GJC1: variants seen among roughly 807,000 people sequenced by gnomAD.
The protein encoded by GJC1 is gap junction gamma-1 protein.
In GJC1, 5 loss-of-function variants were observed where a neutral mutation model predicts 29.3. The ratio of observed to expected loss-of-function variants is 0.17; its 90% CI spans 0.09 to 0.36. The LOEUF (loss-of-function observed/expected upper bound fraction) is 0.36, where lower values mean the gene tolerates loss of function less well. Ranked by LOEUF, GJC1 falls within the 10% of genes least tolerant of loss-of-function variation. The pLI, the probability that GJC1 is intolerant of heterozygous loss-of-function variation, is 1.00. For synonymous variants in GJC1, 177 were observed against 183.3 expected (o/e 0.97, Z 0.28); for missense variants, 310 against 496.2 (o/e 0.62, Z 3.56).
intron 1 of GJC1, among the ~76,000 whole-genome samples, chr17:44,823,716 C>CTT (rs138768045): frequency 4.2e-5 from 6 of 143,216 alleles, no homozygotes; most frequent in African/African-American, 1.3e-4. Context: ...CTTTCCTTTC[C>CTT]TTTTTTTTTT....
rs1232493722 is a variant in GJC1 at position 44,800,244 on chromosome 17, G to A, written c.*4383C>T. 1.3e-5 allele frequency: 2 copies of A among 152,172 alleles called. No homozygotes were observed. The highest frequency in any genetic ancestry group is 3.9e-4 in the East Asian group (2 of 5,164). 9.4% of individuals were successfully genotyped at this position (152,172 alleles called of 1,614,324 possible). On this transcript the variant is annotated 3_prime_UTR_variant, in exon 3 of 3. Transcript: ENST00000592524. Reference sequence around the variant, plus strand: ...TCATCTCAGCCTCCTGAGTAGCTGGGATTACAGGTACCCACCACCACGCCC... The same window carrying A: ...TCATCTCAGCCTCCTGAGTAGCTGGAATTACAGGTACCCACCACCACGCCC...
chr17:44,818,335 C>G (rs1180834584), intron 1 of GJC1, among the ~76,000 whole-genome samples: 1 of 152,092 alleles, frequency 6.6e-6, no homozygotes, highest in African/African-American at 2.4e-5. Flanking sequence ...ACAGAACAAG[C>G]TTTCTTGGTA....
At chr17:44,817,656 G>A (rs1303544925) in intron 1 of GJC1, among the ~76,000 whole-genome samples, 1 of 152,044 alleles carries the variant, frequency 6.6e-6, no homozygotes, top group Non-Finnish European at 1.5e-5. Context: ...GTTGTGGTGA[G>A]CTGAGATTGT....
intron 2 of GJC1, among the ~76,000 whole-genome samples, chr17:44,806,580 G>A (rs943340684): frequency 1.3e-5 from 2 of 151,656 alleles, no homozygotes; most frequent in African/African-American, 4.8e-5. Flanking sequence ...GTAGAGATGG[G>A]GTTTCACCAT....
At chr17:44,797,472 CAA>C (rs1414819912), downstream of GJC1, 1 of 152,188 alleles carries the variant, frequency 6.6e-6, no homozygotes, top group East Asian at 1.9e-4. Context: ...GTCCACCCAG[CAA>C]AGATGCCCCT....
chr17:44,821,297 C>G (rs549657976), intron 1 of GJC1, among the ~76,000 whole-genome samples: 1 of 152,286 alleles, frequency 6.6e-6, no homozygotes, highest in East Asian at 1.9e-4. Context: ...ACCAACTGTT[C>G]TGAACAATGC....
chr17:44,825,021 C>A (rs1199089238), intron 1 of GJC1, among the ~76,000 whole-genome samples: 1 of 149,886 alleles, frequency 6.7e-6, no homozygotes, highest in South Asian at 2.1e-4. Context: ...CCAGCCTGGG[C>A]AACAAAACAA....
At chr17:44,821,697 C>CAAAAAAAAAAAAAAAAAAAAAAAAAAAAA (rs61303163) in intron 1 of GJC1, among the ~76,000 whole-genome samples, 2 of 58,370 alleles carry the variant, frequency 3.4e-5, no homozygotes, top group African/African-American at 1.6e-4. Context: ...AACTCCGTCT[C>CAAAAAAAAAAAAAAAAAAAAAAAAAAAAA]AAAAAAAAAA....
upstream of GJC1, chr17:44,830,342 G>A (rs2050220341): frequency 5.8e-6 from 1 of 171,742 alleles, no homozygotes; most frequent in African/African-American, 2.4e-5. The surrounding 1 kb of genome is among the most constrained non-coding windows in gnomAD (Gnocchi z 4.3). Flanking sequence ...CGGCCCGGGA[G>A]CGGGGGGCGC....
At chr17:44,816,235 T>C (rs2050042659) in intron 1 of GJC1, among the ~76,000 whole-genome samples, 1 of 148,328 alleles carries the variant, frequency 6.7e-6, no homozygotes, top group Non-Finnish European at 1.5e-5. Context: ...AAAACCCAAA[T>C]ACTGAAGAAA....
chr17:44,807,372 C>T (rs1054171043), intron 2 of GJC1, 22 bp downstream of exon 2: 7 of 152,180 alleles, frequency 4.6e-5, no homozygotes, highest in African/African-American at 1.4e-4. Flanking sequence ...GTCAGCACCA[C>T]CAAAGTTTAA....
At position 44,805,302 on chromosome 17, in the gene GJC1, C is replaced by A; in HGVS notation, c.516G>T (p.Gly172=). 6.2e-7 allele frequency: 1 copy of A among 1,614,182 alleles called. No homozygotes were observed. The highest frequency in any genetic ancestry group is 1.3e-5 in the African/African-American group (1 of 75,042). ...HDGRRRIRED[G]LMKIYVLQLL... ...ACTGCAGCACATAGATTTTCATGAG[C>A]CCATCTTCCCGAATCCGTCGTCGGC... Residue 172 remains glycine, a synonymous_variant, in exon 3 of 3, where the codon GGG becomes GGT. Coordinates refer to ENST00000592524, the MANE Select transcript of GJC1 (RefSeq NM_005497.4). The surrounding 1 kb of genome is among the most constrained non-coding windows in gnomAD (Gnocchi z 5.1).
intron 1 of GJC1, among the ~76,000 whole-genome samples, chr17:44,825,081 G>A (rs1004990434): frequency 6.7e-6 from 1 of 150,332 alleles, no homozygotes; most frequent in Admixed American, 6.6e-5. Context: ...GCGTGGTGGC[G>A]GTGTGGGCCT....
At position 44,809,596 on chromosome 17, in the gene GJC1, G is replaced by C. The variant is rs191182166; in HGVS notation, c.-96-2127C>G. Among the ~76,000 whole-genome samples, 636 of 148,952 alleles carry C rather than the reference G, an allele frequency of 4.3e-3. 4 individuals are homozygous for C. Among genetic ancestry groups the C allele is most frequent in the African/African-American group, 0.015 (604 of 40,578 alleles). On this transcript the variant is annotated intron_variant, in intron 1 of 2. Transcript: ENST00000592524. Reference sequence around the variant, plus strand: ...CTTTTTTTTTTTTTTTTGAGACGGAGTTTCACTCTTGTTGTCCAGGCTGGA... The same window carrying C: ...CTTTTTTTTTTTTTTTTGAGACGGACTTTCACTCTTGTTGTCCAGGCTGGA...
intron 1 of GJC1, among the ~76,000 whole-genome samples, chr17:44,827,037 C>T (rs529352286): frequency 7.2e-5 from 11 of 152,104 alleles, no homozygotes; most frequent in African/African-American, 1.2e-4. Flanking sequence ...TGGTCGAGTG[C>T]GGTGGCTCAC....
chr17:44,795,892 C>T (rs1020082054), downstream of GJC1, among the ~76,000 whole-genome samples: 2 of 152,184 alleles, frequency 1.3e-5, no homozygotes, highest in South Asian at 2.1e-4. Flanking sequence ...TCGGATCGCA[C>T]GTGGGCTTGG....
Position 44,804,664 on chromosome 17 carries a change from C to A in GJC1, c.1154G>T (p.Ser385Ile), listed in dbSNP as rs764426181. 10 of 1,613,764 alleles carry A rather than the reference C, an allele frequency of 6.2e-6. No homozygotes were observed. Among genetic ancestry groups the A allele is most frequent in the Middle Eastern group, 1.6e-4 (1 of 6,078 alleles). The change falls in exon 3 of 3, where the codon AGC becomes ATC. Residue 385 changes from serine to isoleucine, a missense_variant. This residue lies in a region of GJC1 where 146 missense variants were observed against 165.0 expected (regional missense o/e 0.88). Transcript: ENST00000592524. ...KAGSNKSTAS[S>I]KSGDGKTSVW... is the part of the protein sequence containing the mutation. ...GGAGGTCTTCCCATCCCCTGATTTG[C>A]TACTGGCAGTGCTTTTGTTGGACCC...
At chr17:44,824,187 T>C (rs2050143893) in intron 1 of GJC1, among the ~76,000 whole-genome samples, 1 of 151,804 alleles carries the variant, frequency 6.6e-6, no homozygotes, top group South Asian at 2.1e-4. Context: ...TTTTGTATTT[T>C]AGTAGAGATA....
At chr17:44,819,706 A>ATAAAT (rs200557388) in intron 1 of GJC1, among the ~76,000 whole-genome samples, 7 of 147,576 alleles carry the variant, frequency 4.7e-5, no homozygotes, top group East Asian at 4.4e-4. Context: ...AAATAAATAA[A>ATAAAT]AAGAATTTCC....
Sources: allele counts gnomAD v4.1 joint callset (sites outside exome capture counted in the v4.1 genomes callset), GRCh38; gene constraint gnomAD v4.1.1; regional missense constraint gnomAD v4.1.1; non-coding constraint Gnocchi (gnomAD v3.1); transcripts MANE v1.5; gene names NCBI Gene and HGNC (gene_info 2026-07-23, HGNC 2026-07-21).